CCDC7: variants seen among roughly 807,000 people sequenced by gnomAD.
The protein encoded by CCDC7 is coiled-coil domain containing 7.
A neutral mutation model predicts 196.9 loss-of-function variants in CCDC7; 183 were observed. The observed-to-expected ratio is 0.93, with a 90% CI of 0.82 to 1.05. The LOEUF (loss-of-function observed/expected upper bound fraction) is 1.05. Among genes scored for constraint, CCDC7 ranks in the 50% least tolerant of loss-of-function variants. The pLI, the probability that CCDC7 is intolerant of heterozygous loss-of-function variation, is 0.00. For missense variants in CCDC7, 1,540 were observed against 1,482.2 expected (o/e 1.04, Z -0.64); for synonymous variants, 525 against 484.6 (o/e 1.08, Z -1.10).
intron 21 of CCDC7, among the ~76,000 whole-genome samples, chr10:32,667,746 G>C (rs1052881925): frequency 1.3e-5 from 2 of 152,182 alleles, no homozygotes; most frequent in African/African-American, 4.8e-5. Flanking sequence ...TTTGGTACCA[G>C]CACCATGCTC....
chr10:32,673,637 G>A (rs1352323287), intron 21 of CCDC7, among the ~76,000 whole-genome samples: 3 of 127,432 alleles, frequency 2.4e-5, no homozygotes, highest in Admixed American at 8.2e-5. Context: ...GAATTTATTA[G>A]TTCTAACCAT....
At chr10:32,460,674 CATTA>C (rs2035436664) in intron 3 of CCDC7, among the ~76,000 whole-genome samples, 1 of 152,136 alleles carries the variant, frequency 6.6e-6, no homozygotes, top group South Asian at 2.1e-4. Flanking sequence ...CTGACACAGA[CATTA>C]ATTTGCTTTG....
In CCDC7 at chr10:32,789,086, C is replaced by T. The variant is rs551532980; in HGVS notation, c.3013+10002C>T. Among the ~76,000 whole-genome samples, 450 of 144,614 alleles carry T rather than the reference C, an allele frequency of 3.1e-3. 1 individual carries two copies. The highest frequency in any genetic ancestry group is 0.011 in the African/African-American group (430 of 40,098). The allele number at this position is 144,614 out of a possible 152,430, so 94.9% of individuals were successfully genotyped here. A position where few individuals can be genotyped will look rare whatever the true frequency, so the allele number is the denominator to read the frequency against. ...ACCCATAGTCTCTGGTTGAGCTGAA[C>T]GGTAAAGGGCTTTTTTTTTTTTTTT... On this transcript the variant is annotated intron_variant, in intron 29 of 41. Transcript: ENST00000639629.
intron 31 of CCDC7, among the ~76,000 whole-genome samples, chr10:32,816,472 AG>A (rs1268584372): frequency 6.6e-6 from 1 of 152,230 alleles, no homozygotes; most frequent in African/African-American, 2.4e-5. Flanking sequence ...CCTGTCTGAC[AG>A]CTTTGAAGAG....
rs552664406 is a variant in CCDC7 at position 32,545,811 on chromosome 10, C to G, written c.1134+1510C>G. Among the ~76,000 whole-genome samples, 4 of 148,252 alleles carry G rather than the reference C, an allele frequency of 2.7e-5. No individual in the cohort carries two copies. The Admixed American group carries it at 2.8e-4, about 10-fold the overall frequency. Reference sequence around the variant, plus strand: ...GTCCCAGCCACTCCAGAGACTGAGGCAGAAGACTGGCGTGAACCCAGGAGG... The same window carrying G: ...GTCCCAGCCACTCCAGAGACTGAGGGAGAAGACTGGCGTGAACCCAGGAGG... On this transcript the variant is annotated intron_variant, in intron 13 of 41. Coordinates refer to ENST00000639629, the Ensembl canonical transcript of CCDC7.
chr10:32,673,732 G>A (rs964198087), intron 21 of CCDC7, among the ~76,000 whole-genome samples: 1 of 150,754 alleles, frequency 6.6e-6, no homozygotes, highest in African/African-American at 2.5e-5. Flanking sequence ...CAAATAGTGA[G>A]ACTGAACCAG....
chr10:32,544,907 G>A (rs532656118), intron 13 of CCDC7, among the ~76,000 whole-genome samples: 14 of 150,966 alleles, frequency 9.3e-5, no homozygotes, highest in South Asian at 2.1e-4. Context: ...TTGGATTTAC[G>A]TTTTATTCAA....
In CCDC7 at chr10:32,503,907, G is replaced by A. The variant is rs76893981; in HGVS notation, c.872+11910G>A. The stretch of plus-strand genomic sequence containing the variant: ...TCTAGGTTGTTCAGTTTGTTAGAAT[G>A]TAATTTGTTTGTGGTAGTTTCTTAT... On this transcript the variant is annotated intron_variant, in intron 9 of 41. Transcript: ENST00000639629. 8.3e-3 allele frequency among the ~76,000 whole-genome samples: 1,200 copies of A among 144,620 alleles called. 6 individuals are homozygous for A. The highest frequency in any genetic ancestry group is 0.02 in the Middle Eastern group (6 of 294). The allele number at this position is 144,620 out of a possible 152,430, so 94.9% of individuals were successfully genotyped here. A position where few individuals can be genotyped will look rare whatever the true frequency, so the allele number is the denominator to read the frequency against.
At chr10:32,680,830 C>T (rs1014164009) in intron 21 of CCDC7, among the ~76,000 whole-genome samples, 1 of 152,178 alleles carries the variant, frequency 6.6e-6, no homozygotes, top group Non-Finnish European at 1.5e-5. Context: ...GTAATGGGGA[C>T]ATAAGGACCT....
intron 28 of CCDC7, among the ~76,000 whole-genome samples, chr10:32,747,814 A>T (rs1042830749): frequency 6.6e-6 from 1 of 152,200 alleles, no homozygotes; most frequent in Non-Finnish European, 1.5e-5. Flanking sequence ...TTGGTTCTCA[A>T]AGAACTTAAA....
chr10:32,518,282 T>G, intron 10 of CCDC7, 134 bp from the exon 12 acceptor site: 10 of 1,026,302 alleles, frequency 9.7e-6, no homozygotes, highest in Non-Finnish European at 8.1e-6. Flanking sequence ...TGTGTCACTC[T>G]ACAGACTGAT....
At chr10:32,482,903 G>C (rs1046460090) in intron 8 of CCDC7, among the ~76,000 whole-genome samples, 5 of 152,118 alleles carry the variant, frequency 3.3e-5, no homozygotes, top group African/African-American at 9.7e-5. Context: ...TATCATTGTT[G>C]GACATTTGGG....
At chr10:32,763,509 A>G (rs1307635328) in intron 28 of CCDC7, among the ~76,000 whole-genome samples, 1 of 151,948 alleles carries the variant, frequency 6.6e-6, no homozygotes, top group Non-Finnish European at 1.5e-5. Flanking sequence ...TGAAATAAAT[A>G]CCTAGTAAAG....
At chr10:32,786,570 G>C (rs1316147544) in intron 29 of CCDC7, among the ~76,000 whole-genome samples, 1 of 152,146 alleles carries the variant, frequency 6.6e-6, no homozygotes, top group African/African-American at 2.4e-5. Context: ...AGACCAGCCT[G>C]GCCAACATGG....
intron 8 of CCDC7, among the ~76,000 whole-genome samples, chr10:32,476,073 GTCCATAGTT>G (rs1350728208): frequency 2.0e-5 from 3 of 152,152 alleles, no homozygotes; most frequent in Admixed American, 6.5e-5. Flanking sequence ...ATTAACTAAA[GTCCATAGTT>G]TACATCTGGT....
intron 13 of CCDC7, among the ~76,000 whole-genome samples, chr10:32,564,360 A>G (rs2056380270): frequency 6.6e-6 from 1 of 152,194 alleles, no homozygotes; most frequent in Non-Finnish European, 1.5e-5. Context: ...ACGTATGTTT[A>G]TTGTGGCACT....
At chr10:32,739,249 C>T (rs2085404623) in intron 28 of CCDC7, among the ~76,000 whole-genome samples, 1 of 151,122 alleles carries the variant, frequency 6.6e-6, no homozygotes, top group Admixed American at 6.6e-5. Context: ...GCTTTTTCTC[C>T]TTCTGTTACT....
chr10:32,814,336 C>A (rs770688454), intron 30 of CCDC7, 34 bp from the exon 32 acceptor site: 1 of 1,346,868 alleles, frequency 7.4e-7, no homozygotes. Context: ...AAATGATTAC[C>A]TTACAGTGTT....
At chr10:32,510,908 T>C (rs2046010384) in intron 9 of CCDC7, among the ~76,000 whole-genome samples, 1 of 151,582 alleles carries the variant, frequency 6.6e-6, no homozygotes, top group African/African-American at 2.4e-5. Context: ...TAATATCATA[T>C]AGTGAAAACA....
Sources: allele counts gnomAD v4.1 joint callset (sites outside exome capture counted in the v4.1 genomes callset), GRCh38; gene constraint gnomAD v4.1.1; transcripts MANE v1.5; gene names NCBI Gene and HGNC (gene_info 2026-07-23, HGNC 2026-07-21).